The following PRKD1 variants were observed in gnomAD, a reference collection of about 807,000 sequenced individuals.
The protein encoded by PRKD1 is serine/threonine-protein kinase D1.
In PRKD1, 63 loss-of-function variants were observed where a neutral mutation model predicts 95.9. The ratio of observed to expected loss-of-function variants is 0.66; its 90% CI spans 0.54 to 0.81. The LOEUF (loss-of-function observed/expected upper bound fraction) is 0.81. PRKD1 is among the 30% of genes least tolerant of loss of function. The pLI, the probability that PRKD1 is intolerant of heterozygous loss-of-function variation, is 0.00. For synonymous variants in PRKD1, 425 were observed against 423.1 expected (o/e 1.00, Z -0.05); for missense variants, 1,048 against 1,165.3 (o/e 0.90, Z 1.47).
chr14:29,891,063 C>T (rs1225773953), intron 1 of PRKD1, among the ~76,000 whole-genome samples: 3 of 152,084 alleles, frequency 2.0e-5, no homozygotes, highest in Admixed American at 6.5e-5. Flanking sequence ...TGCTATGTAC[C>T]GGCACTATCC....
intron 2 of PRKD1, among the ~76,000 whole-genome samples, chr14:29,713,847 A>G (rs936696477): frequency 6.6e-6 from 1 of 152,144 alleles, no homozygotes; most frequent in Non-Finnish European, 1.5e-5. Context: ...GAAGTTCAGG[A>G]AACTGTGGTA....
Position 29,750,014 on chromosome 14 carries a change from G to A in PRKD1, c.265-24340C>T, listed in dbSNP as rs977494776. Among the ~76,000 whole-genome samples, 35 of 152,220 alleles carry A rather than the reference G, an allele frequency of 2.3e-4. No individual in the cohort carries two copies. The East Asian group carries it at 5.8e-3, about 25-fold the overall frequency. On this transcript the variant is annotated intron_variant, in intron 1 of 17. Coordinates refer to ENST00000331968, the MANE Select transcript of PRKD1 (RefSeq NM_002742.3). ...AGAACAGAGTCTGATGAATGGCCAA[G>A]GGAATTATCTCCTCCTCCTTGCTCT...
At chr14:29,735,877 T>A (rs1886687783) in intron 1 of PRKD1, among the ~76,000 whole-genome samples, 1 of 152,224 alleles carries the variant, frequency 6.6e-6, no homozygotes, top group South Asian at 2.1e-4. Context: ...ATTGTTATTA[T>A]GTTTCTTTAT....
chr14:29,670,078 A>G lies in PRKD1; in HGVS notation c.404-3870T>C, dbSNP rs893196341. Among the ~76,000 whole-genome samples, 10 of 152,344 alleles carry G rather than the reference A, an allele frequency of 6.6e-5. No homozygotes were observed. The East Asian group carries it at 1.3e-3, about 21-fold the overall frequency. On this transcript the variant is annotated intron_variant, in intron 2 of 17. Transcript: ENST00000331968. ...TTTACTTAGTAATCATAATGCTAAA[A>G]GCAAGCCTTTAAAAATAAGGCATTT... is the stretch of plus-strand genomic sequence containing the variant.
intron 13 of PRKD1, among the ~76,000 whole-genome samples, chr14:29,612,039 A>G (rs1270275955): frequency 6.6e-6 from 1 of 152,208 alleles, no homozygotes; most frequent in Non-Finnish European, 1.5e-5. Context: ...ACATTCCATG[A>G]TATGCTAAAT....
intron 4 of PRKD1, among the ~76,000 whole-genome samples, chr14:29,643,137 A>G (rs888237541): frequency 6.6e-6 from 1 of 152,140 alleles, no homozygotes; most frequent in Non-Finnish European, 1.5e-5. Context: ...AGGAGTTTGG[A>G]TCAACTTACA....
At chr14:29,618,726 G>A (rs1019633061) in intron 13 of PRKD1, among the ~76,000 whole-genome samples, 1 of 151,172 alleles carries the variant, frequency 6.6e-6, no homozygotes, top group Non-Finnish European at 1.5e-5. Context: ...GTGTTTTGAT[G>A]ATTAAATCAG....
chr14:29,583,993 C>G (rs1892832637), intron 16 of PRKD1, among the ~76,000 whole-genome samples: 1 of 152,128 alleles, frequency 6.6e-6, no homozygotes, highest in African/African-American at 2.4e-5. Flanking sequence ...ATCAAACATT[C>G]TCTTTTAGCA....
intron 13 of PRKD1, among the ~76,000 whole-genome samples, chr14:29,608,657 G>A (rs540439855): frequency 6.6e-6 from 1 of 152,062 alleles, no homozygotes; most frequent in African/African-American, 2.4e-5. Context: ...GCTATCATGG[G>A]GTACCTTGCT....
At chr14:29,663,673 G>A (rs1224269194) in intron 4 of PRKD1, 26 bp downstream of exon 4, 9 of 1,607,396 alleles carry the variant, frequency 5.6e-6, no homozygotes, top group Admixed American at 1.7e-5. Flanking sequence ...ATGTAAATGG[G>A]GAAGTGGGTA....
intron 2 of PRKD1, among the ~76,000 whole-genome samples, chr14:29,669,829 T>C (rs1252821708): frequency 3.9e-5 from 6 of 152,006 alleles, no homozygotes; most frequent in African/African-American, 1.4e-4. Context: ...GATCACACCA[T>C]TGCACTCCAG....
chr14:29,887,671 C>G lies in PRKD1; in HGVS notation c.264+39578G>C, dbSNP rs116191563. On this transcript the variant is annotated intron_variant, in intron 1 of 17. Coordinates refer to ENST00000331968, the MANE Select transcript of PRKD1 (RefSeq NM_002742.3). ...CGCAAACCACATATACAATGGTGGTCTTAGAATATTGTAATACCCTATTTT... is the reference window on the plus strand; with the variant it reads ...CGCAAACCACATATACAATGGTGGTGTTAGAATATTGTAATACCCTATTTT... 2.9e-3 allele frequency among the ~76,000 whole-genome samples: 442 copies of G among 152,256 alleles called. 2 individuals carry two copies. Among genetic ancestry groups the G allele is most frequent in the African/African-American group, 9.9e-3 (413 of 41,546 alleles).
chr14:29,912,656 C>T (rs1161325481), intron 1 of PRKD1, among the ~76,000 whole-genome samples: 1 of 152,172 alleles, frequency 6.6e-6, no homozygotes, highest in Non-Finnish European at 1.5e-5. Context: ...CTCTTATTTG[C>T]CTACTTATTT....
chr14:29,877,002 A>G (rs762898223), intron 1 of PRKD1, among the ~76,000 whole-genome samples: 2 of 152,112 alleles, frequency 1.3e-5, no homozygotes, highest in Non-Finnish European at 2.9e-5. Context: ...AAATACAAAA[A>G]TTAGACAGGT....
At chr14:29,693,154 C>G (rs1884330075) in intron 2 of PRKD1, among the ~76,000 whole-genome samples, 1 of 152,152 alleles carries the variant, frequency 6.6e-6, no homozygotes, top group Non-Finnish European at 1.5e-5. Flanking sequence ...CAGTGCAATT[C>G]TGGTATTCTT....
At chr14:29,724,350 G>T (rs1049274391) in intron 2 of PRKD1, among the ~76,000 whole-genome samples, 1 of 152,174 alleles carries the variant, frequency 6.6e-6, no homozygotes, top group Non-Finnish European at 1.5e-5. Context: ...GGCAAGAACT[G>T]ATCCAGTGCA....
chr14:29,756,705 TA>T (rs924490742), intron 1 of PRKD1, among the ~76,000 whole-genome samples: 33 of 152,194 alleles, frequency 2.2e-4, no homozygotes, highest in African/African-American at 7.5e-4. Flanking sequence ...GGGGCTTTGC[TA>T]CACAATCAGA....
chr14:29,579,075 T>C (rs188617404), intron 16 of PRKD1, among the ~76,000 whole-genome samples: 2 of 152,054 alleles, frequency 1.3e-5, no homozygotes, highest in East Asian at 3.9e-4. Context: ...TCTGGCCTAG[T>C]ACTCTGCTTG....
chr14:29,921,016 T>C (rs535508240), intron 1 of PRKD1, among the ~76,000 whole-genome samples: 63 of 152,340 alleles, frequency 4.1e-4, no homozygotes, highest in African/African-American at 1.5e-3. Context: ...ATTTTGGTCT[T>C]GAGAACCAGA....
Sources: allele counts gnomAD v4.1 joint callset (sites outside exome capture counted in the v4.1 genomes callset), GRCh38; gene constraint gnomAD v4.1.1; transcripts MANE v1.5; gene names NCBI Gene and HGNC (gene_info 2026-07-23, HGNC 2026-07-21).